The following CEACAM21 variants were observed in gnomAD, a reference collection of about 807,000 sequenced individuals.
The protein encoded by CEACAM21 is cell adhesion molecule CEACAM21.
A neutral mutation model predicts 33.2 loss-of-function variants in CEACAM21; 38 were observed. The ratio of observed to expected loss-of-function variants is 1.14; its 90% confidence interval spans 0.88 to 1.50. The LOEUF (loss-of-function observed/expected upper bound fraction) is 1.50. Among genes scored for constraint, CEACAM21 ranks in the 40% most tolerant of loss-of-function variants. The pLI is 0.00. For synonymous variants in CEACAM21, 156 were observed against 143.0 expected, an observed-to-expected ratio of 1.09 and a Z score of -0.65; for missense variants, 385 against 364.6, an observed-to-expected ratio of 1.06 and a Z score of -0.46.
In CEACAM21 at chr19:41,576,205, A is replaced by T; in HGVS notation, c.-70A>T. The T allele has an allele frequency of 6.4e-7, 1 of 1,567,060 alleles. No homozygotes were observed. On this transcript the variant is annotated 5_prime_UTR_variant, in exon 1 of 7. Coordinates refer to ENST00000401445, the MANE Select transcript of CEACAM21 (RefSeq NM_001098506.4). ...GACAGCAGAGACAACAGTCACAGTA[A>T]CCCTGTCTAGAGCGTTCCTGGAGCC...
At chr19:41,573,907 G>GA (rs201729663), upstream of CEACAM21, among the ~76,000 whole-genome samples, 289 of 150,912 alleles carry the variant, frequency 1.9e-3, no homozygotes, top group African/African-American at 6.5e-3. Context: ...AAACAATCTG[G>GA]AAAAAAAAAT....
chr19:41,579,635 G>A lies in CEACAM21; in HGVS notation c.700+7G>A, dbSNP rs1555792849. The A allele has an allele frequency of 6.5e-7, 1 of 1,530,912 alleles. No homozygotes were observed. 94.8% of individuals were successfully genotyped at this position (1,530,912 alleles called of 1,614,324 possible). A position where few individuals can be genotyped will look rare whatever the true frequency, so the allele number is the denominator to read the frequency against. ...CTCAAGCTGACTGTAAAATGTGAGT[G>A]ACCCTCGGCCCCTCTCACTCCTTTC... On this transcript the variant is annotated splice_region_variant and intron_variant, in intron 3 of 6. Coordinates refer to ENST00000401445, the MANE Select transcript of CEACAM21 (RefSeq NM_001098506.4).
Position 41,577,338 on chromosome 19 carries a change from A to G in CEACAM21, c.203A>G (p.Tyr68Cys), listed in dbSNP as rs1555791564. The change falls in exon 2 of 7, where the codon TAC (tyrosine) becomes TGC (cysteine). Residue 68 changes from tyrosine (Y) to cysteine (C), a missense_variant. Transcript: ENST00000401445. ...LPENLYSYGW[Y>C]KGKTVEPNQL... ...GAGAATCTTTACAGCTATGGCTGGT[A>G]CAAAGGGAAAACGGTGGAGCCCAAC... The G allele has an allele frequency of 1.2e-6, 2 of 1,614,120 alleles. No individual in the cohort carries two copies. The highest frequency in any genetic ancestry group is 2.2e-5 in the South Asian group (2 of 91,078).
chr19:41,571,235 TG>T (rs2042592212), upstream of CEACAM21, among the ~76,000 whole-genome samples: 2 of 141,618 alleles, frequency 1.4e-5, no homozygotes, highest in African/African-American at 5.4e-5. Context: ...ATCCTTCACT[TG>T]GGAGAAGAAT....
At chr19:41,573,114 C>G (rs527713705), upstream of CEACAM21, among the ~76,000 whole-genome samples, 3 of 152,296 alleles carry the variant, frequency 2.0e-5, no homozygotes, top group Middle Eastern at 3.4e-3. Context: ...GAGCCCGGGT[C>G]CCTTCCTTGT....
chr19:41,552,007 A>G (rs1555784507), intron 1 of CEACAM21: 1 of 152,108 alleles, frequency 6.6e-6, no homozygotes. Context: ...AGAGTTTTTT[A>G]TTTCTGGAAC....
rs1026932327 is a variant in CEACAM21, at chr19:41,583,178, G to A, written c.701-1169G>A. 2.6e-5 allele frequency among the ~76,000 whole-genome samples: 4 copies of A among 152,100 alleles called. No homozygotes were observed. The South Asian group carries it at 8.3e-4, about 32-fold the overall frequency. Reference sequence around the variant, plus strand: ...GTTCAAAGTTCTGCAGATCTCTAGGGCAGGGGCAAAATACCACCAATCTCT... The same window carrying A: ...GTTCAAAGTTCTGCAGATCTCTAGGACAGGGGCAAAATACCACCAATCTCT... On this transcript the variant is annotated intron_variant, in intron 3 of 6. Transcript: ENST00000401445.
intron 1 of CEACAM21, among the ~76,000 whole-genome samples, chr19:41,562,798 G>T (rs149982483): frequency 1.3e-5 from 2 of 151,830 alleles, no homozygotes; most frequent in South Asian, 2.1e-4. Context: ...GCGCGATCTC[G>T]GCGCAGTGCA....
intron 1 of CEACAM21, among the ~76,000 whole-genome samples, 175 bp from the exon 2 acceptor site, chr19:41,577,025 C>G (rs1401029711): frequency 6.6e-6 from 1 of 152,036 alleles, no homozygotes; most frequent in African/African-American, 2.4e-5. Context: ...AAGGAAATGC[C>G]AAGGTCAGAG....
chr19:41,554,762 A>G (rs1368662497), intron 1 of CEACAM21, among the ~76,000 whole-genome samples: 2 of 152,140 alleles, frequency 1.3e-5, no homozygotes, highest in African/African-American at 2.4e-5. Context: ...GTGCTCTAAG[A>G]GAAACCCATT....
rs117868655 is a variant in CEACAM21 at position 41,581,813 on chromosome 19, C to A, written c.700+2185C>A. On this transcript the variant is annotated intron_variant, in intron 3 of 6. Coordinates refer to ENST00000401445, the MANE Select transcript of CEACAM21 (RefSeq NM_001098506.4). ...CTCCCACTGGGTCCTTCCCCCAACA[C>A]GTGGGGATTATTAAAATTCAAGGTG... is the stretch of plus-strand genomic sequence containing the variant. Among the ~76,000 whole-genome samples the A allele has an allele frequency of 3.5e-4, 53 of 152,300 alleles. No individual in the cohort carries two copies. In the East Asian group the frequency reaches 9.8e-3, roughly 28 times the overall value.
chr19:41,575,631 T>C (rs1000057280), upstream of CEACAM21, among the ~76,000 whole-genome samples: 3 of 152,154 alleles, frequency 2.0e-5, no homozygotes, highest in South Asian at 6.2e-4. Flanking sequence ...CAAAGTCCTC[T>C]CTTCCCAGGA....
rs574707645 is a variant in CEACAM21 at position 41,562,317 on chromosome 19, AAAG to A, written c.-778-2354_-778-2352del. On this transcript the variant is annotated intron_variant, in intron 1 of 7. Coordinates refer to the CEACAM21 transcript ENST00000407170. The stretch of plus-strand genomic sequence containing the variant: ...AAGAAAGTTTTTTTTAAGAAAAAAA[AAAG>A]AAGAAGAAGACACAAACTGGGAAAG... Among the ~76,000 whole-genome samples, 665 of 152,236 alleles carry A rather than the reference AAAG, an allele frequency of 4.4e-3. 6 individuals are homozygous for A. The highest frequency in any genetic ancestry group is 0.014 in the African/African-American group (601 of 41,548).
chr19:41,574,236 T>A (rs2042787600), upstream of CEACAM21, among the ~76,000 whole-genome samples: 1 of 152,220 alleles, frequency 6.6e-6, no homozygotes, highest in Admixed American at 6.5e-5. Flanking sequence ...GCAAAACTTA[T>A]CAAACCATTA....
upstream of CEACAM21, among the ~76,000 whole-genome samples, chr19:41,571,381 G>T (rs1286661381): frequency 2.0e-5 from 3 of 152,166 alleles, no homozygotes; most frequent in Non-Finnish European, 2.9e-5. Flanking sequence ...CTCACAGCAG[G>T]AATGACATGG....
At position 41,579,223 on chromosome 19, in the gene CEACAM21, G is replaced by C. The variant is rs376655002; in HGVS notation, c.425-130G>C. 7.4e-6 allele frequency: 11 copies of C among 1,483,950 alleles called. No homozygotes were observed. In the East Asian group the frequency reaches 1.9e-4, roughly 26 times the overall value. The allele number at this position is 1,483,950 out of a possible 1,614,324, so 91.9% of individuals were successfully genotyped here. A position where few individuals can be genotyped will look rare whatever the true frequency, so the allele number is the denominator to read the frequency against. ...CTGCTCGCTGCTATGGGTGTCTCTG[G>C]TTCTCTCTGCTCCTCCCTGTCCTTC... On this transcript the variant is annotated intron_variant, in intron 2 of 6. Transcript: ENST00000401445.
intron 1 of CEACAM21, chr19:41,551,071 A>G (rs916007020): frequency 2.0e-5 from 3 of 151,814 alleles, no homozygotes; most frequent in African/African-American, 7.3e-5. Flanking sequence ...CTAGACCTTC[A>G]CTTACCTGAG....
chr19:41,577,516 A>T lies in CEACAM21; in HGVS notation c.381A>T (p.Arg127Ser), dbSNP rs377503569. The change falls in exon 2 of 7, where the codon AGA becomes AGT. Residue 127 changes from arginine to serine, a missense_variant. By Grantham distance (110) the Arg-to-Ser change is moderately radical (BLOSUM62 -1). Coordinates refer to ENST00000401445, the MANE Select transcript of CEACAM21 (RefSeq NM_001098506.4). ...ACTACAACCTACAAGTCACATACAG[A>T]AATTCTCAGATTGAACAGGCATCTC... ...TGYYNLQVTY[R>S]NSQIEQASHH... 2 of 1,613,902 alleles carry T rather than the reference A, an allele frequency of 1.2e-6. No homozygotes were observed. The highest frequency in any genetic ancestry group is 1.3e-5 in the African/African-American group (1 of 74,912).
At chr19:41,556,040 C>T (rs2041503802) in intron 1 of CEACAM21, among the ~76,000 whole-genome samples, 1 of 152,194 alleles carries the variant, frequency 6.6e-6, no homozygotes. Flanking sequence ...AGGAGCCTGT[C>T]CCTGACTCTG....
Sources: allele counts gnomAD v4.1 joint callset (sites outside exome capture counted in the v4.1 genomes callset), GRCh38; gene constraint gnomAD v4.1.1; transcripts MANE v1.5; gene names NCBI Gene and HGNC (gene_info 2026-07-23, HGNC 2026-07-21).